PTPRD: variants seen among roughly 807,000 people sequenced by gnomAD.
PTPRD encodes receptor-type tyrosine-protein phosphatase delta.
A neutral mutation model predicts 214.5 loss-of-function variants in PTPRD; 34 were observed. That is an observed-to-expected ratio of 0.16 (90% CI 0.12 to 0.21). The LOEUF (loss-of-function observed/expected upper bound fraction) is 0.21, where lower values mean the gene tolerates loss of function less well. Ranked by LOEUF, PTPRD falls within the 10% of genes least tolerant of loss-of-function variation. PTPRD has a pLI of 1.00. For missense variants in PTPRD, 2,545 were observed against 2,398.7 expected, an observed-to-expected ratio of 1.06 and a Z score of -1.27; for synonymous variants, 1,128 against 845.7, an observed-to-expected ratio of 1.33 and a Z score of -5.79.
intron 4 of PTPRD, among the ~76,000 whole-genome samples, chr9:9,950,366 G>A (rs2093328336): frequency 6.6e-6 from 1 of 152,150 alleles, no homozygotes; most frequent in South Asian, 2.1e-4. Flanking sequence ...GAAGCTGGTG[G>A]AGAAATTTCT....
intron 9 of PTPRD, among the ~76,000 whole-genome samples, chr9:9,245,514 C>G (rs993448249): frequency 4.6e-5 from 7 of 150,986 alleles, no homozygotes; most frequent in African/African-American, 1.5e-4. Flanking sequence ...CAAACTATTG[C>G]AAGGACAAAA....
At chr9:8,436,292 T>A (rs925061060) in intron 35 of PTPRD, among the ~76,000 whole-genome samples, 1 of 152,096 alleles carries the variant, frequency 6.6e-6, no homozygotes, top group Non-Finnish European at 1.5e-5. Flanking sequence ...TTAATAATAA[T>A]GCATAATATG....
intron 14 of PTPRD, among the ~76,000 whole-genome samples, chr9:8,575,873 T>C (rs1217630921): frequency 6.6e-6 from 1 of 152,166 alleles, no homozygotes; most frequent in African/African-American, 2.4e-5. Flanking sequence ...GTACCAAAGA[T>C]GCAAAGACTA....
intron 12 of PTPRD, among the ~76,000 whole-genome samples, chr9:8,698,746 C>T (rs571958535): frequency 3.3e-5 from 5 of 152,230 alleles, no homozygotes; most frequent in South Asian, 2.1e-4. Context: ...ATACAGAAAT[C>T]GCCTTTTCGC....
chr9:10,119,884 T>C (rs930024412), intron 3 of PTPRD, among the ~76,000 whole-genome samples: 8 of 152,058 alleles, frequency 5.3e-5, no homozygotes, highest in Admixed American at 3.9e-4. Context: ...TAGGAGGGCA[T>C]GCTTAGAAAA....
intron 12 of PTPRD, among the ~76,000 whole-genome samples, chr9:8,716,141 C>CTAATAACT (rs2098433082): frequency 6.6e-6 from 1 of 152,178 alleles, no homozygotes; most frequent in Non-Finnish European, 1.5e-5. Context: ...ACCTAATAAC[C>CTAATAACT]TAATAACTTG....
chr9:8,717,848 A>C (rs1810806695), intron 12 of PTPRD, among the ~76,000 whole-genome samples: 1 of 152,292 alleles, frequency 6.6e-6, no homozygotes, highest in Non-Finnish European at 1.5e-5. Context: ...CGGCACACCT[A>C]TGAACATTCC....
intron 9 of PTPRD, among the ~76,000 whole-genome samples, chr9:9,295,544 G>C (rs1162632011): frequency 1.3e-5 from 2 of 151,710 alleles, no homozygotes; most frequent in East Asian, 3.9e-4. Context: ...TTTATTGCAA[G>C]GGTAGCTATG....
At chr9:8,591,204 C>A (rs906596786) in intron 14 of PTPRD, among the ~76,000 whole-genome samples, 1 of 152,200 alleles carries the variant, frequency 6.6e-6, no homozygotes, top group Non-Finnish European at 1.5e-5. Context: ...GTAACATCAA[C>A]TGCATCTGCA....
intron 4 of PTPRD, among the ~76,000 whole-genome samples, chr9:9,993,625 T>C (rs1350488349): frequency 6.6e-6 from 1 of 151,794 alleles, no homozygotes; most frequent in African/African-American, 2.4e-5. Context: ...GAAGTAAGAC[T>C]AACTTTGGAG....
chr9:9,643,146 G>C (rs1326764), intron 7 of PTPRD, among the ~76,000 whole-genome samples: 1 of 152,130 alleles, frequency 6.6e-6, no homozygotes, highest in South Asian at 2.1e-4. Context: ...TACTTCCTCA[G>C]GGAATCTTGA....
At chr9:10,004,078 T>A (rs770086959) in intron 4 of PTPRD, among the ~76,000 whole-genome samples, 3 of 151,896 alleles carry the variant, frequency 2.0e-5, no homozygotes, top group Admixed American at 6.6e-5. Context: ...ATGGAGGAAC[T>A]AATATTCATC....
chr9:9,104,295 T>A (rs1401180268), intron 10 of PTPRD, among the ~76,000 whole-genome samples: 2 of 151,818 alleles, frequency 1.3e-5, no homozygotes, highest in Admixed American at 1.3e-4. Context: ...AATTATCATG[T>A]ATCATTCTTT....
At chr9:8,621,691 A>G (rs2154301209) in intron 14 of PTPRD, among the ~76,000 whole-genome samples, 1 of 151,872 alleles carries the variant, frequency 6.6e-6, no homozygotes, top group Admixed American at 6.5e-5. Flanking sequence ...CTTTGCAACT[A>G]AGATTAATGG....
intron 9 of PTPRD, among the ~76,000 whole-genome samples, chr9:9,301,424 G>A (rs1457071306): frequency 1.3e-5 from 2 of 151,834 alleles, no homozygotes; most frequent in Admixed American, 1.3e-4. Flanking sequence ...TAAAGATGGT[G>A]GCACAGAACT....
At chr9:9,935,714 TG>T (rs2153949720) in intron 5 of PTPRD, among the ~76,000 whole-genome samples, 1 of 141,648 alleles carries the variant, frequency 7.1e-6, no homozygotes, top group East Asian at 2.0e-4. Flanking sequence ...TTCACAGAAT[TG>T]GAAAAAACTA....
intron 30 of PTPRD, among the ~76,000 whole-genome samples, chr9:8,477,850 C>G (rs2096796362): frequency 6.6e-6 from 1 of 152,182 alleles, no homozygotes; most frequent in South Asian, 2.1e-4. Flanking sequence ...CTTATGGGCA[C>G]AGAGGCAGGG....
intron 2 of PTPRD, among the ~76,000 whole-genome samples, chr9:10,404,410 G>C (rs1255097032): frequency 6.6e-6 from 1 of 151,662 alleles, no homozygotes; most frequent in Non-Finnish European, 1.5e-5. Context: ...CAGAGAGATA[G>C]TCAAGAGTTA....
At chr9:8,882,624 C>T (rs1259641794) in intron 11 of PTPRD, among the ~76,000 whole-genome samples, 1 of 152,070 alleles carries the variant, frequency 6.6e-6, no homozygotes, top group Non-Finnish European at 1.5e-5. Flanking sequence ...GTGGCTCATG[C>T]CTGTAATCCC....
Sources: allele counts gnomAD v4.1 joint callset (sites outside exome capture counted in the v4.1 genomes callset), GRCh38; gene constraint gnomAD v4.1.1; transcripts MANE v1.5; gene names NCBI Gene and HGNC (gene_info 2026-07-23, HGNC 2026-07-21).